Variants in UBE2O observed in about 807,000 individuals in gnomAD.
UBE2O encodes (E3-independent) E2 ubiquitin-conjugating enzyme.
A neutral mutation model predicts 125.8 loss-of-function variants in UBE2O; 15 were observed. The ratio of observed to expected loss-of-function variants is 0.12; its 90% CI spans 0.08 to 0.18. UBE2O has a LOEUF of 0.18. UBE2O is among the 10% of genes least tolerant of loss of function. UBE2O has a pLI of 1.00. For synonymous variants in UBE2O, 708 were observed against 703.2 expected (o/e 1.01, Z -0.11); for missense variants, 1,280 against 1,723.6 (o/e 0.74, Z 4.56).
intron 1 of UBE2O, among the ~76,000 whole-genome samples, chr17:76,409,933 C>G (rs2072488737): frequency 6.6e-6 from 1 of 152,106 alleles, no homozygotes; most frequent in Non-Finnish European, 1.5e-5. Context: ...TGGGGGCCAG[C>G]AGAGGGAGAG....
chr17:76,438,421 A>G (rs2073031703), intron 1 of UBE2O, among the ~76,000 whole-genome samples: 1 of 152,134 alleles, frequency 6.6e-6, no homozygotes, highest in Non-Finnish European at 1.5e-5. Flanking sequence ...GCCCTGGCAC[A>G]CTAATGTCCC....
At chr17:76,421,559 T>C (rs1192610443) in intron 1 of UBE2O, among the ~76,000 whole-genome samples, 1 of 152,116 alleles carries the variant, frequency 6.6e-6, no homozygotes, top group Non-Finnish European at 1.5e-5. Flanking sequence ...GAGATGGGGT[T>C]TCTCCATGTT....
intron 1 of UBE2O, among the ~76,000 whole-genome samples, chr17:76,431,537 A>G (rs954518413): frequency 1.3e-5 from 2 of 152,174 alleles, no homozygotes; most frequent in African/African-American, 4.8e-5. Context: ...AGGAAATCAC[A>G]AATTCAAAAA....
In UBE2O at chr17:76,399,962, C is replaced by A; in HGVS notation, c.1156-41G>T. On this transcript the variant is annotated intron_variant, in intron 8 of 17. Transcript: ENST00000319380. This position sits in a 1 kb window ranked among gnomAD's most constrained non-coding sequence, Gnocchi z 6.9. ...AGAGAGGACAGGGCTGTGAGGTGCA[C>A]CTGGGCAGGCCTGGCCCTAGGCATC... 6.4e-7 allele frequency: 1 copy of A among 1,559,928 alleles called. No individual in the cohort carries two copies. Among genetic ancestry groups the A allele is most frequent in the Non-Finnish European group, 8.7e-7 (1 of 1,152,426 alleles).
intron 1 of UBE2O, among the ~76,000 whole-genome samples, chr17:76,424,656 C>T (rs1275601823): frequency 6.6e-6 from 1 of 151,832 alleles, no homozygotes; most frequent in African/African-American, 2.4e-5. Context: ...GGGAGGATTG[C>T]TTGAGGCCAG....
chr17:76,448,068 A>G (rs550866215), intron 1 of UBE2O, among the ~76,000 whole-genome samples: 30 of 152,340 alleles, frequency 2.0e-4, no homozygotes, highest in Non-Finnish European at 4.3e-4. Context: ...ACAGCCAGGA[A>G]GAGCACCCAA....
chr17:76,426,956 T>A (rs1335118647), intron 1 of UBE2O, among the ~76,000 whole-genome samples: 1 of 152,192 alleles, frequency 6.6e-6, no homozygotes, highest in Non-Finnish European at 1.5e-5. Context: ...GTTCCCATTA[T>A]TGAACGATAA....
chr17:76,403,542 G>A (rs1598590333), intron 3 of UBE2O, among the ~76,000 whole-genome samples: 1 of 152,110 alleles, frequency 6.6e-6, no homozygotes, highest in African/African-American at 2.4e-5. Flanking sequence ...AAAGTGTTGG[G>A]ATTACAGGGG....
intron 1 of UBE2O, among the ~76,000 whole-genome samples, chr17:76,435,515 T>A (rs576511960): frequency 1.9e-3 from 295 of 152,052 alleles, no homozygotes; most frequent in Middle Eastern, 0.01. Context: ...ATTCGCAATA[T>A]TCCCCCCGTT....
chr17:76,452,984 T>C lies in UBE2O; in HGVS notation c.158A>G (p.Glu53Gly). ...AAACAGCAGGCGCTGCGAGCCGGCTTCTGGGCCGGAGTCCGAGGACGGCCC... is the reference window on the plus strand; with the variant it reads ...AAACAGCAGGCGCTGCGAGCCGGCTCCTGGGCCGGAGTCCGAGGACGGCCC... ...ASGPSSDSGPEAGSQRLLFSH... is the reference protein window; with the variant it reads ...ASGPSSDSGPGAGSQRLLFSH... The change falls in exon 1 of 18, where the codon GAA (glutamate) becomes GGA (glycine). Residue 53 changes from glutamate (E) to glycine (G), a missense_variant. Physicochemically the swap from Glu to Gly is moderately conservative, Grantham distance 98 (BLOSUM62 -2). Transcript: ENST00000319380. This position sits in a 1 kb window ranked among gnomAD's most constrained non-coding sequence, Gnocchi z 4.4. 1 of 1,492,936 alleles carries C rather than the reference T, an allele frequency of 6.7e-7. No homozygotes were observed. Among genetic ancestry groups the C allele is most frequent in the Non-Finnish European group, 8.9e-7 (1 of 1,121,358 alleles). 92.5% of individuals were successfully genotyped at this position (1,492,936 alleles called of 1,614,324 possible). A position where few individuals can be genotyped will look rare whatever the true frequency, so the allele number is the denominator to read the frequency against.
At chr17:76,401,812 GTTGCAGTGAGCCGAGA>G in intron 5 of UBE2O, 1 of 291,616 alleles carries the variant, frequency 3.4e-6, no homozygotes, top group East Asian at 6.1e-5. Flanking sequence ...GGAGGTGGAG[GTTGCAGTGAGCCGAGA>G]TCGCACCGTT....
At chr17:76,413,249 C>A (rs1316622539) in intron 1 of UBE2O, among the ~76,000 whole-genome samples, 6 of 152,148 alleles carry the variant, frequency 3.9e-5, no homozygotes, top group Admixed American at 6.5e-5. Context: ...TCACCCCCAT[C>A]CCACAATGTT....
At chr17:76,419,123 A>T (rs1598604658) in intron 1 of UBE2O, among the ~76,000 whole-genome samples, 1 of 145,790 alleles carries the variant, frequency 6.9e-6, no homozygotes, top group African/African-American at 2.5e-5. Context: ...ATCTCTACAG[A>T]TTTTTTTTTT....
chr17:76,410,852 A>C lies in UBE2O; in HGVS notation c.418-5280T>G. Among the ~76,000 whole-genome samples, 1 of 152,184 alleles carries C rather than the reference A, an allele frequency of 6.6e-6. No individual in the cohort carries two copies. The highest frequency in any genetic ancestry group is 1.5e-5 in the Non-Finnish European group (1 of 68,030). On this transcript the variant is annotated intron_variant, in intron 1 of 17. Transcript: ENST00000319380. The surrounding 1 kb of genome is among the most constrained non-coding windows in gnomAD (Gnocchi z 4.0). ...GGCTGACCCCCAATAACACAGCAAAAGCAACTAGCTCGTCCTGCAGCTCCT... is the reference window on the plus strand; with the variant it reads ...GGCTGACCCCCAATAACACAGCAAACGCAACTAGCTCGTCCTGCAGCTCCT...
chr17:76,411,842 C>G lies in UBE2O; in HGVS notation c.418-6270G>C, dbSNP rs112558571. Among the ~76,000 whole-genome samples, 805 of 152,152 alleles carry G rather than the reference C, an allele frequency of 5.3e-3. 4 individuals carry two copies. The highest frequency in any genetic ancestry group is 0.018 in the African/African-American group (760 of 41,486). Reference sequence around the variant, plus strand: ...CTGGGACTACAGGCACATGCCACCACCCGGCTAATTTTATTTTTTTTGTAG... The same window carrying G: ...CTGGGACTACAGGCACATGCCACCAGCCGGCTAATTTTATTTTTTTTGTAG... On this transcript the variant is annotated intron_variant, in intron 1 of 17. Coordinates refer to ENST00000319380, the MANE Select transcript of UBE2O (RefSeq NM_022066.4).
intron 1 of UBE2O, among the ~76,000 whole-genome samples, chr17:76,445,146 G>A (rs896613610): frequency 1.3e-5 from 2 of 152,188 alleles, no homozygotes; most frequent in Non-Finnish European, 2.9e-5. Flanking sequence ...CTCTTTTTAA[G>A]GGTGCCTGCA....
At chr17:76,432,381 G>A (rs770453955) in intron 1 of UBE2O, among the ~76,000 whole-genome samples, 6 of 152,140 alleles carry the variant, frequency 3.9e-5, no homozygotes, top group East Asian at 3.8e-4. Flanking sequence ...TATGGTCTCC[G>A]CCTTAGAAAG....
Position 76,410,437 on chromosome 17 carries a change from A to G in UBE2O, c.418-4865T>C, listed in dbSNP as rs1385919810. On this transcript the variant is annotated intron_variant, in intron 1 of 17. Transcript: ENST00000319380. The surrounding 1 kb of genome is among the most constrained non-coding windows in gnomAD (Gnocchi z 4.0). Reference sequence around the variant, plus strand: ...TGCTGAGCATCTAACAACGCACAGGACATCCCTCAACGAAGAATGGCGTGG... The same window carrying G: ...TGCTGAGCATCTAACAACGCACAGGGCATCCCTCAACGAAGAATGGCGTGG... Among the ~76,000 whole-genome samples the G allele has an allele frequency of 1.3e-5, 2 of 152,058 alleles. No homozygotes were observed. Among genetic ancestry groups the G allele is most frequent in the East Asian group, 3.9e-4 (2 of 5,186 alleles).
chr17:76,422,592 C>A (rs1040210435), intron 1 of UBE2O, among the ~76,000 whole-genome samples: 3 of 152,170 alleles, frequency 2.0e-5, no homozygotes, highest in African/African-American at 4.8e-5. Flanking sequence ...GCAATGAAGC[C>A]GAGGCACGCC....
Sources: gnomAD v4.1 joint callset for allele counts (sites outside exome capture counted in the v4.1 genomes callset) on GRCh38, gnomAD v4.1.1 for gene constraint, Gnocchi (gnomAD v3.1) non-coding constraint, MANE v1.5 for transcripts, NCBI Gene and HGNC (gene_info 2026-07-23, HGNC 2026-07-21) for gene names.